HP1BP3: variants seen among roughly 807,000 people sequenced by gnomAD.
HP1BP3 encodes the protein heterochromatin protein 1 binding protein 3.
In HP1BP3, 12 loss-of-function variants were observed where a neutral mutation model predicts 62.5. The observed-to-expected ratio is 0.19, with a 90% CI of 0.12 to 0.31. The LOEUF is 0.31. HP1BP3 is among the 10% of genes least tolerant of loss of function. The pLI is 1.00. For missense variants in HP1BP3, 502 were observed against 651.8 expected, an observed-to-expected ratio of 0.77 and a Z score of 2.50; for synonymous variants, 260 against 237.8, an observed-to-expected ratio of 1.09 and a Z score of -0.86.
chr1:20,783,539 T>TA (rs1557679399), intron 1 of HP1BP3, among the ~76,000 whole-genome samples: 1 of 139,884 alleles, frequency 7.1e-6, no homozygotes, highest in African/African-American at 2.6e-5. Flanking sequence ...CAACAACAAT[T>TA]TAAAAAAAAA....
intron 1 of HP1BP3, chr1:20,786,434 G>A (rs1227345630): frequency 6.6e-6 from 1 of 152,338 alleles, no homozygotes; most frequent in African/African-American, 2.4e-5. Context: ...GCAGCGAGGC[G>A]AGGTAGCTAC....
chr1:20,760,514 C>A (rs1300936539), intron 8 of HP1BP3, among the ~76,000 whole-genome samples: 1 of 151,566 alleles, frequency 6.6e-6, no homozygotes, highest in Non-Finnish European at 1.5e-5. Flanking sequence ...ATACTCCAGT[C>A]TGGGCAACAG....
intron 5 of HP1BP3, among the ~76,000 whole-genome samples, chr1:20,771,626 C>T (rs2057064541): frequency 6.6e-6 from 1 of 152,102 alleles, no homozygotes; most frequent in African/African-American, 2.4e-5. Flanking sequence ...TTTAATGTGC[C>T]CTCTTCCATT....
chr1:20,748,415 G>T (rs2055479940), intron 10 of HP1BP3, among the ~76,000 whole-genome samples: 1 of 152,140 alleles, frequency 6.6e-6, no homozygotes, highest in Non-Finnish European at 1.5e-5. Context: ...AAACTGAAAG[G>T]CTTGTTAACC....
chr1:20,750,322 A>C (rs144308817), intron 9 of HP1BP3: 9 of 139,194 alleles, frequency 6.5e-5, no homozygotes, highest in East Asian at 2.1e-4. Flanking sequence ...CTCTACTAAA[A>C]ACACACACAC....
rs529606297 is a variant in HP1BP3 at position 20,740,734 on chromosome 1, C to T, written c.*4063G>A. Among the ~76,000 whole-genome samples the T allele has an allele frequency of 1.3e-5, 2 of 152,328 alleles. No homozygotes were observed. Among genetic ancestry groups the T allele is most frequent in the East Asian group, 1.9e-4 (1 of 5,194 alleles). Reference sequence around the variant, plus strand: ...TGGGAGGCTGAGGTGGGGAGAACTGCTTGAGCACACGAGTTCAAAGCTGCA... The same window carrying T: ...TGGGAGGCTGAGGTGGGGAGAACTGTTTGAGCACACGAGTTCAAAGCTGCA... On this transcript the variant is annotated 3_prime_UTR_variant, in exon 13 of 13. Transcript: ENST00000438032.
intron 9 of HP1BP3, among the ~76,000 whole-genome samples, chr1:20,754,315 C>T (rs1042469436): frequency 6.6e-5 from 10 of 152,302 alleles, no homozygotes; most frequent in South Asian, 4.1e-4. Flanking sequence ...ATTCAAGACT[C>T]GTACACCGAA....
At position 20,743,224 on chromosome 1, in the gene HP1BP3, A is replaced by G. The variant is rs1042583139; in HGVS notation, c.*1573T>C. On this transcript the variant is annotated 3_prime_UTR_variant, in exon 13 of 13. Coordinates refer to ENST00000438032, the MANE Select transcript of HP1BP3 (RefSeq NM_001372052.1). ...AAACCCACAAATAAATGTAGAATCTAGTTTATTTTACCAAACTGTATATTT... is the reference window on the plus strand; with the variant it reads ...AAACCCACAAATAAATGTAGAATCTGGTTTATTTTACCAAACTGTATATTT... 27 of 152,606 alleles carry G rather than the reference A, an allele frequency of 1.8e-4. No individual in the cohort carries two copies. The highest frequency in any genetic ancestry group is 6.0e-4 in the African/African-American group (25 of 41,450). The allele number at this position is 152,606 out of a possible 1,614,324, so 9.5% of individuals were successfully genotyped here.
rs553755117 is a variant in HP1BP3, at chr1:20,779,938, A to C, written c.97-27T>G. On this transcript the variant is annotated intron_variant, in intron 2 of 12. Coordinates refer to ENST00000438032, the MANE Select transcript of HP1BP3 (RefSeq NM_001372052.1). ...TAAGAAAAGAGATGGCCATAATCAAACATGCATTAAAAAATTCTCTTTTCT... is the reference window on the plus strand; with the variant it reads ...TAAGAAAAGAGATGGCCATAATCAACCATGCATTAAAAAATTCTCTTTTCT... 3 of 1,556,966 alleles carry C rather than the reference A, an allele frequency of 1.9e-6. No individual in the cohort carries two copies. In the African/African-American group the frequency reaches 4.1e-5, roughly 21 times the overall value.
In HP1BP3 at chr1:20,741,743, A is replaced by G. The variant is rs562183766; in HGVS notation, c.*3054T>C. On this transcript the variant is annotated 3_prime_UTR_variant, in exon 13 of 13. Transcript: ENST00000438032. ...TCAAAGGTAGCTTGTAGGTAGTTTC[A>G]GAGTGTATGAAACACTGTAAATGAG... is the stretch of plus-strand genomic sequence containing the variant. Among the ~76,000 whole-genome samples, 1 of 152,356 alleles carries G rather than the reference A, an allele frequency of 6.6e-6. No individual in the cohort carries two copies. The highest frequency in any genetic ancestry group is 2.1e-4 in the South Asian group (1 of 4,832).
intron 1 of HP1BP3, among the ~76,000 whole-genome samples, chr1:20,783,551 CA>C (rs968841942): frequency 4.1e-5 from 6 of 144,688 alleles, no homozygotes; most frequent in Non-Finnish European, 7.7e-5. Flanking sequence ...AAAAAAAAAA[CA>C]AAAAAAATAG....
intron 6 of HP1BP3, among the ~76,000 whole-genome samples, chr1:20,768,132 T>C (rs1267982673): frequency 6.6e-6 from 1 of 152,220 alleles, no homozygotes; most frequent in Admixed American, 6.5e-5. Flanking sequence ...TGATACATTA[T>C]TCCTTATGGG....
intron 6 of HP1BP3, among the ~76,000 whole-genome samples, chr1:20,770,696 C>T (rs2057018636): frequency 6.6e-6 from 1 of 151,956 alleles, no homozygotes; most frequent in Admixed American, 6.6e-5. Context: ...AAGCAGCCCC[C>T]CAAAAAATAT....
chr1:20,787,292 C>T lies in HP1BP3; in HGVS notation c.-198G>A, dbSNP rs550035342. 1 of 150,640 alleles carries T rather than the reference C, an allele frequency of 6.6e-6. No individual in the cohort carries two copies. Among genetic ancestry groups the T allele is most frequent in the African/African-American group, 2.4e-5 (1 of 41,184 alleles). The allele number at this position is 150,640 out of a possible 1,614,324, so 9.3% of individuals were successfully genotyped here. ...CCTCCGCCACCGCTGTCCTCCAGTC[C>T]CAGCCGCCGAGCTCTGCCGCCCCGC... is the stretch of plus-strand genomic sequence containing the variant. On this transcript the variant is annotated 5_prime_UTR_variant, in exon 1 of 13. Coordinates refer to ENST00000438032, the MANE Select transcript of HP1BP3 (RefSeq NM_001372052.1).
intron 10 of HP1BP3, among the ~76,000 whole-genome samples, chr1:20,748,024 T>C (rs1430985181): frequency 1.3e-5 from 2 of 151,580 alleles, no homozygotes; most frequent in Non-Finnish European, 2.9e-5. Context: ...GCAAGAGTTA[T>C]AATGAAAAGA....
At chr1:20,749,365 T>TG (rs2055563370) in intron 10 of HP1BP3, among the ~76,000 whole-genome samples, 2 of 147,090 alleles carry the variant, frequency 1.4e-5, no homozygotes, top group African/African-American at 4.9e-5. Context: ...TCTTTTCTTT[T>TG]CTTTTTTTTT....
In HP1BP3 at chr1:20,744,824, C is replaced by T; in HGVS notation, c.1635G>A (p.Met545Ile). The T allele has an allele frequency of 6.2e-7, 1 of 1,611,646 alleles. No individual in the cohort carries two copies. Residue 545 changes from methionine to isoleucine, a missense_variant, in exon 13 of 13, where the codon ATG (methionine) becomes ATA (isoleucine). Coordinates refer to ENST00000438032, the MANE Select transcript of HP1BP3 (RefSeq NM_001372052.1). ...ACTTTTTCACTCTGAAAGACTTCTT[C>T]ATGGTGGATTTGCCCTTGCCCGGCA... The part of the protein sequence containing the change: ...VKLPGKGKST[M>I]KKSFRVKK
chr1:20,780,234 C>A (rs1399400661), intron 2 of HP1BP3, 111 bp downstream of exon 2: 7 of 763,392 alleles, frequency 9.2e-6, no homozygotes, highest in South Asian at 1.6e-5. Flanking sequence ...TTCAAATTCA[C>A]AACCTAGACT....
At chr1:20,777,679 C>T (rs541854559) in intron 3 of HP1BP3, among the ~76,000 whole-genome samples, 68 of 152,220 alleles carry the variant, frequency 4.5e-4, no homozygotes, top group Non-Finnish European at 8.2e-4. Flanking sequence ...AGGATGGTCT[C>T]GATCTCCTGA....
Sources: gnomAD v4.1 joint callset for allele counts (sites outside exome capture counted in the v4.1 genomes callset) on GRCh38, gnomAD v4.1.1 for gene constraint, MANE v1.5 for transcripts, NCBI Gene and HGNC (gene_info 2026-07-23, HGNC 2026-07-21) for gene names.